The following EPHA6 variants were observed in gnomAD, a reference collection of about 807,000 sequenced individuals.
EPHA6 encodes ephrin type-A receptor 6.
EPHA6 carries 50 observed loss-of-function variants against 112.0 expected under a neutral mutation model. That is an observed-to-expected ratio of 0.45 (90% CI 0.36 to 0.56). The LOEUF is 0.56. EPHA6 is among the 20% of genes least tolerant of loss of function. The probability of loss-of-function intolerance (pLI) is 0.00; values close to 1 mark genes in which losing one functional copy is unlikely to be tolerated. For synonymous variants in EPHA6, 529 were observed against 490.7 expected (o/e 1.08, Z -1.03); for missense variants, 1,280 against 1,417.4 (o/e 0.90, Z 1.56).
At chr3:97,550,878 A>G (rs2093020434) in intron 11 of EPHA6, among the ~76,000 whole-genome samples, 1 of 152,148 alleles carries the variant, frequency 6.6e-6, no homozygotes, top group Non-Finnish European at 1.5e-5. Context: ...ACAAAAAGGA[A>G]GGAAAGGAGA....
rs191187324 is a variant in EPHA6, at chr3:97,300,387, G to T, written c.1606+56100G>T. ...ATCCAGGGTAAAGGACAGTATCTTTGTCAGATATTACTCTTGACTTTTTTG... is the reference window on the plus strand; with the variant it reads ...ATCCAGGGTAAAGGACAGTATCTTTTTCAGATATTACTCTTGACTTTTTTG... On this transcript the variant is annotated intron_variant, in intron 5 of 17. Transcript: ENST00000389672. Among the ~76,000 whole-genome samples the T allele has an allele frequency of 3.2e-3, 493 of 152,246 alleles. 6 individuals are homozygous for T. The highest frequency in any genetic ancestry group is 4.4e-3 in the Non-Finnish European group (300 of 68,008).
chr3:97,030,006 T>C (rs1241644219), intron 3 of EPHA6, among the ~76,000 whole-genome samples: 1 of 152,074 alleles, frequency 6.6e-6, no homozygotes, highest in Non-Finnish European at 1.5e-5. Flanking sequence ...TATGAGATTG[T>C]CAATAGAATG....
intron 5 of EPHA6, among the ~76,000 whole-genome samples, chr3:97,353,478 T>A (rs2097521913): frequency 6.6e-6 from 1 of 151,028 alleles, no homozygotes; most frequent in Admixed American, 6.6e-5. Flanking sequence ...TCAGTAGTAG[T>A]CAGGCAATAC....
At chr3:97,648,532 T>C (rs2094084718) in intron 14 of EPHA6, 1 of 1,265,670 alleles carries the variant, frequency 7.9e-7, no homozygotes, top group Non-Finnish European at 9.9e-7. Flanking sequence ...GCCTTGAACA[T>C]GTCCAACTTT....
At chr3:97,511,699 C>G (rs941364622) in intron 10 of EPHA6, among the ~76,000 whole-genome samples, 2 of 152,140 alleles carry the variant, frequency 1.3e-5, no homozygotes, top group African/African-American at 4.8e-5. Flanking sequence ...AACATTTTTA[C>G]AACTTAAAAT....
chr3:97,181,432 A>G (rs909255984), intron 3 of EPHA6, among the ~76,000 whole-genome samples: 1 of 151,914 alleles, frequency 6.6e-6, no homozygotes, highest in African/African-American at 2.4e-5. Context: ...GGAATTTTCT[A>G]TTTCACATCT....
At chr3:96,995,802 TA>T (rs1186458662) in intron 3 of EPHA6, among the ~76,000 whole-genome samples, 7 of 152,264 alleles carry the variant, frequency 4.6e-5, no homozygotes, top group Middle Eastern at 3.4e-3. Flanking sequence ...CAGCAAGTCA[TA>T]ATCATTTTGC....
At chr3:97,215,610 CAAA>C (rs11340632) in intron 3 of EPHA6, among the ~76,000 whole-genome samples, 37 of 122,148 alleles carry the variant, frequency 3.0e-4, no homozygotes, top group African/African-American at 8.9e-4. Flanking sequence ...AACTTTGTCT[CAAA>C]AAAAAAAAAA....
intron 3 of EPHA6, among the ~76,000 whole-genome samples, chr3:97,092,876 T>G (rs2047117499): frequency 6.6e-6 from 1 of 152,008 alleles, no homozygotes; most frequent in South Asian, 2.1e-4. Context: ...ATCCCAAATA[T>G]ATCTATGGCT....
chr3:97,660,579 A>G (rs1246000942), intron 14 of EPHA6, among the ~76,000 whole-genome samples: 4 of 152,134 alleles, frequency 2.6e-5, no homozygotes, highest in Non-Finnish European at 5.9e-5. Flanking sequence ...ACATTCTGAC[A>G]GAAATATGCC....
chr3:97,637,768 A>G, intron 13 of EPHA6, 105 bp from the exon 14 acceptor site: 1 of 823,364 alleles, frequency 1.2e-6, no homozygotes, highest in Non-Finnish European at 2.0e-6. Flanking sequence ...GTTGATGCTT[A>G]TCTTCATTTG....
intron 2 of EPHA6, among the ~76,000 whole-genome samples, chr3:96,898,757 C>T (rs371978004): frequency 3.3e-5 from 5 of 152,062 alleles, no homozygotes; most frequent in East Asian, 1.9e-4. Context: ...TGGCCGGGCG[C>T]GGTGGCTCAC....
chr3:97,258,664 G>GT (rs1336667913), intron 5 of EPHA6, among the ~76,000 whole-genome samples: 1 of 152,022 alleles, frequency 6.6e-6, no homozygotes, highest in Non-Finnish European at 1.5e-5. Flanking sequence ...GTTTCATCAT[G>GT]TATAGAGATG....
At position 96,814,724 on chromosome 3, in the gene EPHA6, C is replaced by G; in HGVS notation, c.101C>G (p.Ser34Trp). 1.3e-6 allele frequency: 2 copies of G among 1,572,152 alleles called. No individual in the cohort carries two copies. Among genetic ancestry groups the G allele is most frequent in the Non-Finnish European group, 1.7e-6 (2 of 1,159,022 alleles). Residue 34 changes from serine (S) to tryptophan (W), a missense_variant, in exon 1 of 18, where the codon TCG becomes TGG. By Grantham distance (177) the Ser-to-Trp change is radical. Coordinates refer to ENST00000389672, the MANE Select transcript of EPHA6 (RefSeq NM_001080448.3). ...CCTGCAACTGGGCAGCCTGGACCCT[C>G]GTGCCCTGTTCCCGGGACCTCGCGC... is the stretch of plus-strand genomic sequence containing the variant. The part of the protein sequence containing the change: ...AAPATGQPGP[S>W]CPVPGTSRRG...
intron 11 of EPHA6, among the ~76,000 whole-genome samples, chr3:97,580,216 T>C (rs1280715844): frequency 6.6e-6 from 1 of 152,202 alleles, no homozygotes; most frequent in Non-Finnish European, 1.5e-5. Flanking sequence ...CCTCTCCACA[T>C]ATATCACATC....
intron 14 of EPHA6, among the ~76,000 whole-genome samples, chr3:97,647,941 C>T (rs906049891): frequency 3.9e-5 from 6 of 152,092 alleles, no homozygotes; most frequent in African/African-American, 1.4e-4. Flanking sequence ...GGTGCACACT[C>T]ATCCATTTTA....
intron 1 of EPHA6, among the ~76,000 whole-genome samples, chr3:96,852,602 C>CAA (rs562944142): frequency 2.4e-4 from 25 of 106,104 alleles, no homozygotes; most frequent in South Asian, 3.4e-4. Flanking sequence ...GTATCTTATC[C>CAA]AAAAAAAAAA....
At chr3:97,657,128 T>G (rs1300204667) in intron 14 of EPHA6, among the ~76,000 whole-genome samples, 1 of 151,956 alleles carries the variant, frequency 6.6e-6, no homozygotes, top group East Asian at 1.9e-4. Context: ...GTAGTCCAAA[T>G]GTTTGTTTTT....
At chr3:97,354,925 T>C (rs185496765) in intron 5 of EPHA6, among the ~76,000 whole-genome samples, 1 of 152,012 alleles carries the variant, frequency 6.6e-6, no homozygotes, top group African/African-American at 2.4e-5. Flanking sequence ...CAGTGGAAAC[T>C]TTACAGATCA....
Sources: gnomAD v4.1 joint callset for allele counts (sites outside exome capture counted in the v4.1 genomes callset) on GRCh38, gnomAD v4.1.1 for gene constraint, MANE v1.5 for transcripts, NCBI Gene and HGNC (gene_info 2026-07-23, HGNC 2026-07-21) for gene names.